The following IL12B variants were observed in gnomAD, a reference collection of about 807,000 sequenced individuals.
IL12B encodes interleukin-12 subunit beta.
A neutral mutation model predicts 39.2 loss-of-function variants in IL12B; 27 were observed. That is an observed-to-expected ratio of 0.69 (90% confidence interval 0.51 to 0.95). The LOEUF (loss-of-function observed/expected upper bound fraction) is 0.95. IL12B is among the 40% of genes least tolerant of loss of function. The pLI is 0.00. For synonymous variants in IL12B, 142 were observed against 152.1 expected (o/e 0.93, Z 0.49); for missense variants, 351 against 397.6 (o/e 0.88, Z 1.00).
chr5:159,316,696 G>A lies in IL12B; in HGVS notation c.976C>T (p.Pro326Ser), dbSNP rs1388219913. Residue 326 changes from proline to serine, a missense_variant, in exon 7 of 8, where the codon CCC becomes TCC. By Grantham distance (74) the Pro-to-Ser change is moderately conservative. Transcript: ENST00000231228. ...SSSWSEWASVPCS is the reference protein window; with the variant it reads ...SSSWSEWASVSCS ...GAGGGCCTGCTCACCTAACTGCAGG[G>A]CACAGATGCCCATTCGCTCCAAGAT... 2 of 1,612,876 alleles carry A rather than the reference G, an allele frequency of 1.2e-6. No individual in the cohort carries two copies. The highest frequency in any genetic ancestry group is 3.3e-5 in the Admixed American group (2 of 59,942).
At position 159,316,810 on chromosome 5, in the gene IL12B, T is replaced by C. The variant is rs776481806; in HGVS notation, c.862A>G (p.Arg288Gly). Reference protein sequence around the residue: ...QGKSKREKKDRVFTDKTSATV... With the variant: ...QGKSKREKKDGVFTDKTSATV... ...GCTGAGGTCTTGTCCGTGAAGACTCTATCTTTCTGCAAAAGAGAAGGAAAG... is the reference window on the plus strand; with the variant it reads ...GCTGAGGTCTTGTCCGTGAAGACTCCATCTTTCTGCAAAAGAGAAGGAAAG... The change falls in exon 7 of 8, where the codon AGA (arginine) becomes GGA (glycine). Residue 288 changes from arginine (R) to glycine (G), a missense_variant. By Grantham distance (125) the Arg-to-Gly change is moderately radical. Coordinates refer to ENST00000231228, the MANE Select transcript of IL12B (RefSeq NM_002187.3). The C allele has an allele frequency of 1.8e-5, 29 of 1,614,026 alleles. No individual in the cohort carries two copies. Among genetic ancestry groups the C allele is most frequent in the Non-Finnish European group, 1.6e-5 (19 of 1,180,026 alleles).
chr5:159,323,972 G>A (rs980524983), intron 2 of IL12B, among the ~76,000 whole-genome samples: 15 of 150,916 alleles, frequency 9.9e-5, no homozygotes, highest in Non-Finnish European at 1.8e-4. Flanking sequence ...GTTAGTTATC[G>A]TTACTTATAG....
At chr5:159,327,147 C>T (rs1242442635) in intron 1 of IL12B, among the ~76,000 whole-genome samples, 2 of 152,134 alleles carry the variant, frequency 1.3e-5, no homozygotes, top group Non-Finnish European at 2.9e-5. Flanking sequence ...TCTGGATCAA[C>T]ATCTAGCAGT....
chr5:159,318,592 C>T (rs1754029116), intron 6 of IL12B, 144 bp downstream of exon 6: 11 of 818,430 alleles, frequency 1.3e-5, no homozygotes, highest in Middle Eastern at 6.5e-4. Context: ...GATATAGCTG[C>T]CTAAAGATGA....
intron 4 of IL12B, among the ~76,000 whole-genome samples, chr5:159,321,366 TACACAC>T (rs745793598): frequency 1.4e-4 from 12 of 86,050 alleles, no homozygotes; most frequent in African/African-American, 2.9e-4. Context: ...TATATATATA[TACACAC>T]ACACACACAC....
chr5:159,321,075 C>T (rs895788128), intron 4 of IL12B, among the ~76,000 whole-genome samples: 12 of 151,678 alleles, frequency 7.9e-5, no homozygotes, highest in Non-Finnish European at 2.9e-5. Context: ...TCAGACCCCA[C>T]TGTAGCCTCA....
At chr5:159,320,704 C>T (rs895945657) in intron 4 of IL12B, among the ~76,000 whole-genome samples, 184 bp from the exon 5 acceptor site, 1 of 152,332 alleles carries the variant, frequency 6.6e-6, no homozygotes, top group African/African-American at 2.4e-5. Flanking sequence ...AATTCAAGAG[C>T]ACTTACATGT....
intron 5 of IL12B, among the ~76,000 whole-genome samples, 170 bp from the exon 6 acceptor site, chr5:159,319,063 C>T (rs1754039967): frequency 6.6e-6 from 1 of 152,202 alleles, no homozygotes; most frequent in South Asian, 2.1e-4. Flanking sequence ...CGCAGGTGCT[C>T]ACGCTGGTGC....
chr5:159,329,093 C>G (rs962509204), intron 1 of IL12B, among the ~76,000 whole-genome samples: 5 of 152,226 alleles, frequency 3.3e-5, no homozygotes, highest in Admixed American at 3.3e-4. Context: ...ACGTTACACA[C>G]TCCTACTTCC....
chr5:159,330,177 T>C (rs1455284247), intron 1 of IL12B, among the ~76,000 whole-genome samples: 2 of 152,192 alleles, frequency 1.3e-5, no homozygotes, highest in Non-Finnish European at 2.9e-5. Flanking sequence ...AAACAAACAT[T>C]TCCACAAACT....
At chr5:159,322,141 T>C (rs1051278861) in intron 4 of IL12B, among the ~76,000 whole-genome samples, 11 of 152,140 alleles carry the variant, frequency 7.2e-5, no homozygotes, top group Admixed American at 4.6e-4. Flanking sequence ...TTTGGATGAG[T>C]GGGTTCAAAC....
chr5:159,316,549 T>C, intron 7 of IL12B, 136 bp downstream of exon 7: 1 of 852,934 alleles, frequency 1.2e-6, no homozygotes, highest in East Asian at 2.7e-5. Context: ...AGTGAATAAA[T>C]GTATGTTTCT....
At chr5:159,321,004 CT>C (rs200905119) in intron 4 of IL12B, among the ~76,000 whole-genome samples, 91 of 141,994 alleles carry the variant, frequency 6.4e-4, no homozygotes, top group East Asian at 8.3e-4. Context: ...CTCTCTCTCT[CT>C]TTTTTTTTTT....
At chr5:159,321,876 G>A (rs570109365) in intron 4 of IL12B, among the ~76,000 whole-genome samples, 44 of 152,238 alleles carry the variant, frequency 2.9e-4, no homozygotes, top group African/African-American at 9.9e-4. Context: ...GGAAAGTCCA[G>A]GTGCATTGGA....
chr5:159,320,227 C>G (rs1754062744), intron 5 of IL12B, 79 bp downstream of exon 5: 1 of 1,216,278 alleles, frequency 8.2e-7, no homozygotes, highest in African/African-American at 1.5e-5. Context: ...ACCACCTACC[C>G]CACAGTGCAT....
intron 5 of IL12B, among the ~76,000 whole-genome samples, chr5:159,319,220 T>C (rs1754043426): frequency 6.6e-6 from 1 of 152,196 alleles, no homozygotes; most frequent in South Asian, 2.1e-4. Flanking sequence ...GGGCCATGCA[T>C]TGAAGGACCA....
At chr5:159,325,614 A>C (rs1444316767) in intron 2 of IL12B, 1 of 152,210 alleles carries the variant, frequency 6.6e-6, no homozygotes, top group Non-Finnish European at 1.5e-5. Flanking sequence ...GCTTTGAAGC[A>C]AGACAGAATT....
chr5:159,326,429 T>A (rs747640208), intron 2 of IL12B, among the ~76,000 whole-genome samples: 1 of 152,254 alleles, frequency 6.6e-6, no homozygotes, highest in Non-Finnish European at 1.5e-5. Context: ...AAATATCATA[T>A]GTCATATGTC....
chr5:159,329,916 C>A (rs1194908662), intron 1 of IL12B, among the ~76,000 whole-genome samples: 1 of 152,126 alleles, frequency 6.6e-6, no homozygotes, highest in Non-Finnish European at 1.5e-5. Flanking sequence ...GAATGGGGAT[C>A]CCAGCTGTCA....
Sources: allele counts gnomAD v4.1 joint callset (sites outside exome capture counted in the v4.1 genomes callset), GRCh38; gene constraint gnomAD v4.1.1; transcripts MANE v1.5; gene names NCBI Gene and HGNC (gene_info 2026-07-23, HGNC 2026-07-21).